Variants in PRKG1 observed in about 807,000 individuals in gnomAD.
PRKG1 encodes the protein cGMP-dependent protein kinase 1.
PRKG1 carries 35 observed loss-of-function variants against 88.1 expected under a neutral mutation model. That is an observed-to-expected ratio of 0.40 (90% CI 0.30 to 0.53). The LOEUF is 0.53. Among genes scored for constraint, PRKG1 ranks in the 20% least tolerant of loss-of-function variants. The pLI is 0.59. For missense variants in PRKG1, 540 were observed against 839.8 expected (o/e 0.64, Z 4.41); for synonymous variants, 303 against 292.5 (o/e 1.04, Z -0.37).
chr10:51,703,616 A>G (rs1457748184), intron 3 of PRKG1, among the ~76,000 whole-genome samples: 1 of 152,100 alleles, frequency 6.6e-6, no homozygotes, highest in African/African-American at 2.4e-5. Flanking sequence ...ATCAATATTT[A>G]TTTCAAGCAC....
intron 5 of PRKG1, among the ~76,000 whole-genome samples, chr10:51,977,225 C>G (rs1163747020): frequency 6.6e-6 from 1 of 151,896 alleles, no homozygotes; most frequent in South Asian, 2.1e-4. Flanking sequence ...GTGGTATTTG[C>G]TTTTCTGTTT....
At chr10:51,443,833 A>G (rs940367313) in intron 2 of PRKG1, among the ~76,000 whole-genome samples, 2 of 152,032 alleles carry the variant, frequency 1.3e-5, no homozygotes, top group African/African-American at 4.8e-5. Flanking sequence ...ACAAATCTGT[A>G]GTGTGCCTGG....
chr10:51,173,917 C>CT (rs1287584475), intron 2 of PRKG1, among the ~76,000 whole-genome samples: 1 of 151,694 alleles, frequency 6.6e-6, no homozygotes, highest in African/African-American at 2.4e-5. Context: ...ACCTAAAACT[C>CT]TATTTTTAAA....
At chr10:51,125,396 T>G (rs564960292) in intron 1 of PRKG1, among the ~76,000 whole-genome samples, 1 of 150,794 alleles carries the variant, frequency 6.6e-6, no homozygotes, top group African/African-American at 2.4e-5. Flanking sequence ...ATAAATTTAT[T>G]TAAAAATTTG....
intron 1 of PRKG1, among the ~76,000 whole-genome samples, chr10:51,003,397 C>T (rs529837002): frequency 1.3e-5 from 2 of 152,274 alleles, no homozygotes; most frequent in African/African-American, 4.8e-5. Flanking sequence ...CAGGGCATCA[C>T]GAGAGGTGTC....
At chr10:51,783,114 C>T (rs965290736) in intron 3 of PRKG1, among the ~76,000 whole-genome samples, 2 of 151,968 alleles carry the variant, frequency 1.3e-5, no homozygotes, top group African/African-American at 4.8e-5. Flanking sequence ...TATTCTACCC[C>T]AATTAATTAA....
At chr10:51,413,977 T>C (rs148130536) in intron 2 of PRKG1, among the ~76,000 whole-genome samples, 437 of 152,306 alleles carry the variant, frequency 2.9e-3, no homozygotes, top group African/African-American at 1.0e-2. Context: ...GAACGTCACA[T>C]GGACTTGTTT....
chr10:51,047,713 C>G (rs74133953), intron 1 of PRKG1, among the ~76,000 whole-genome samples: 123 of 151,842 alleles, frequency 8.1e-4, no homozygotes, highest in African/African-American at 2.9e-3. Flanking sequence ...CCTATCATCC[C>G]TGGGGCCAAG....
chr10:51,567,571 A>T (rs1430645831), intron 3 of PRKG1, among the ~76,000 whole-genome samples: 1 of 152,072 alleles, frequency 6.6e-6, no homozygotes, highest in African/African-American at 2.4e-5. Flanking sequence ...AAATGCAATT[A>T]ACTGGTTATT....
chr10:51,938,981 A>G (rs996965427), intron 5 of PRKG1, among the ~76,000 whole-genome samples: 2 of 152,066 alleles, frequency 1.3e-5, no homozygotes, highest in Non-Finnish European at 2.9e-5. Flanking sequence ...GGATAGACCC[A>G]GCAAGGAGAA....
intron 7 of PRKG1, among the ~76,000 whole-genome samples, chr10:52,112,861 G>A (rs1158593917): frequency 7.2e-5 from 11 of 152,098 alleles, no homozygotes; most frequent in East Asian, 1.9e-4. Flanking sequence ...GACTACGGTC[G>A]TCCAAGAAAA....
chr10:51,113,708 A>C (rs1195371785), intron 1 of PRKG1, among the ~76,000 whole-genome samples: 1 of 146,058 alleles, frequency 6.8e-6, no homozygotes, highest in African/African-American at 2.6e-5. Flanking sequence ...AAGCAGTAGG[A>C]ATATTTTGAG....
rs138058327 is a variant in PRKG1 at position 51,705,572 on chromosome 10, A to T, written c.593-99013A>T. On this transcript the variant is annotated intron_variant, in intron 3 of 17. Coordinates refer to ENST00000373980, the MANE Select transcript of PRKG1 (RefSeq NM_006258.4). ...AGAGTTATTATGTAGAACTTTACCTAACAATGGACTCACTCAAAATACAGA... is the reference window on the plus strand; with the variant it reads ...AGAGTTATTATGTAGAACTTTACCTTACAATGGACTCACTCAAAATACAGA... Among the ~76,000 whole-genome samples the T allele has an allele frequency of 1.7e-4, 26 of 152,354 alleles. No individual in the cohort carries two copies. In the East Asian group the frequency reaches 4.8e-3, roughly 28 times the overall value.
rs10568175 is a variant in PRKG1 at position 51,334,152 on chromosome 10, TTCTCTC to T, written c.479-133536_479-133531del. Among the ~76,000 whole-genome samples the T allele has an allele frequency of 7.5e-3, 1,033 of 137,178 alleles. 11 individuals are homozygous for T. Among genetic ancestry groups the T allele is most frequent in the African/African-American group, 0.017 (619 of 36,410 alleles). 90.0% of individuals were successfully genotyped at this position (137,178 alleles called of 152,430 possible). On this transcript the variant is annotated intron_variant, in intron 2 of 17. Transcript: ENST00000373980. ...GCCCTTCCTTTCTTTCTCTCTCTCTTTCTCTCTCTCTCTCTCTCTCTCTCTCTCTCT... is the reference window on the plus strand; with the variant it reads ...GCCCTTCCTTTCTTTCTCTCTCTCTTTCTCTCTCTCTCTCTCTCTCTCTCT...
chr10:52,244,372 T>C (rs957176980), intron 9 of PRKG1, among the ~76,000 whole-genome samples: 1 of 152,014 alleles, frequency 6.6e-6, no homozygotes, highest in Non-Finnish European at 1.5e-5. Context: ...TCAATAAGAC[T>C]CTTTGTATAG....
chr10:52,152,983 C>A (rs1008181342), intron 8 of PRKG1, among the ~76,000 whole-genome samples: 5 of 152,058 alleles, frequency 3.3e-5, no homozygotes, highest in African/African-American at 1.2e-4. Context: ...AGGAGACTGA[C>A]CAAAAACTAA....
chr10:51,209,185 G>GT (rs148580095), intron 2 of PRKG1, among the ~76,000 whole-genome samples: 5,685 of 151,428 alleles, frequency 0.038, 351 homozygotes, highest in African/African-American at 0.13. Context: ...ACAAAAGCTG[G>GT]TTTTTTTTTG....
chr10:51,811,118 C>G (rs138341325), intron 4 of PRKG1, among the ~76,000 whole-genome samples: 147 of 152,280 alleles, frequency 9.7e-4, no homozygotes, highest in African/African-American at 3.5e-3. Context: ...TTCTGAATCT[C>G]TAGCCTGAGT....
chr10:51,421,161 C>CTTGT (rs140624432), intron 2 of PRKG1, among the ~76,000 whole-genome samples: 34,894 of 151,308 alleles, frequency 0.23, 4,260 homozygotes, highest in Middle Eastern at 0.28. Flanking sequence ...CCTTTTATTT[C>CTTGT]TTGTTTGTTT....
Sources: allele counts gnomAD v4.1 joint callset (sites outside exome capture counted in the v4.1 genomes callset), GRCh38; gene constraint gnomAD v4.1.1; transcripts MANE v1.5; gene names NCBI Gene and HGNC (gene_info 2026-07-23, HGNC 2026-07-21).